The following PDIA5 variants were observed in gnomAD, a reference collection of about 807,000 sequenced individuals.
The protein encoded by PDIA5 is protein disulfide isomerase family A member 5.
PDIA5 carries 58 observed loss-of-function variants against 77.6 expected under a neutral mutation model. That is an observed-to-expected ratio of 0.75 (90% CI 0.61 to 0.93). PDIA5 has a LOEUF of 0.93. Ranked by LOEUF, PDIA5 falls within the 40% of genes least tolerant of loss-of-function variation. PDIA5 has a pLI of 0.00. For synonymous variants in PDIA5, 250 were observed against 252.1 expected (o/e 0.99, Z 0.08); for missense variants, 630 against 647.7 (o/e 0.97, Z 0.30).
intron 1 of PDIA5, among the ~76,000 whole-genome samples, chr3:123,073,670 C>T (rs1472240756): frequency 6.6e-6 from 1 of 152,226 alleles, no homozygotes; most frequent in East Asian, 1.9e-4. Flanking sequence ...CAAAGTCATA[C>T]TGAGGCCCCA....
At chr3:123,116,395 G>C in intron 8 of PDIA5, 97 bp downstream of exon 8, 1 of 904,938 alleles carries the variant, frequency 1.1e-6, no homozygotes, top group East Asian at 2.5e-5. Context: ...TTGAAATGGT[G>C]AGGATGACTG....
intron 11 of PDIA5, among the ~76,000 whole-genome samples, chr3:123,139,031 G>A (rs548340965): frequency 2.0e-5 from 3 of 152,326 alleles, no homozygotes; most frequent in South Asian, 4.1e-4. Context: ...TTGACAGGAA[G>A]CCAACATTCC....
Position 123,102,239 on chromosome 3 carries a change from C to T in PDIA5, c.258-172C>T, listed in dbSNP as rs1445222013. Among the ~76,000 whole-genome samples, 3 of 152,184 alleles carry T rather than the reference C, an allele frequency of 2.0e-5. No individual in the cohort carries two copies. In the East Asian group the frequency reaches 5.8e-4, roughly 29 times the overall value. On this transcript the variant is annotated intron_variant, in intron 3 of 16. Transcript: ENST00000316218. ...TCTTTCTTGATCAGCCCCTAGCCTG[C>T]TAGTTAGTCTCCACCCTCTAGCTCT...
intron 14 of PDIA5, among the ~76,000 whole-genome samples, chr3:123,153,087 C>T (rs1463449768): frequency 6.6e-6 from 1 of 152,068 alleles, no homozygotes; most frequent in East Asian, 1.9e-4. Flanking sequence ...TACTCATTGG[C>T]CCCACTCTTT....
chr3:123,084,177 G>A (rs985158048), intron 1 of PDIA5, among the ~76,000 whole-genome samples: 3 of 151,992 alleles, frequency 2.0e-5, no homozygotes, highest in Non-Finnish European at 4.4e-5. Context: ...ACGCCCGCAC[G>A]CCCCCATCTT....
intron 11 of PDIA5, chr3:123,145,179 T>C (rs1480791428): frequency 1.3e-5 from 3 of 231,304 alleles, no homozygotes; most frequent in East Asian, 2.4e-4. Flanking sequence ...GGCAGTCACC[T>C]GCCCTCTTGG....
chr3:123,122,981 A>G (rs1935154544), intron 8 of PDIA5, among the ~76,000 whole-genome samples: 1 of 152,198 alleles, frequency 6.6e-6, no homozygotes, highest in African/African-American at 2.4e-5. Flanking sequence ...GTAAGAACAG[A>G]TTCAAAGTCC....
At chr3:123,115,224 G>T (rs1576449505) in intron 7 of PDIA5, among the ~76,000 whole-genome samples, 1 of 152,216 alleles carries the variant, frequency 6.6e-6, no homozygotes, top group Non-Finnish European at 1.5e-5. Flanking sequence ...GTCGGAAAGG[G>T]TAATAGCCTG....
At chr3:123,120,718 C>G (rs911294331) in intron 8 of PDIA5, among the ~76,000 whole-genome samples, 2 of 152,210 alleles carry the variant, frequency 1.3e-5, no homozygotes, top group Non-Finnish European at 2.9e-5. Flanking sequence ...AAATGCATGT[C>G]TGAAAATTCA....
intron 1 of PDIA5, among the ~76,000 whole-genome samples, chr3:123,079,330 G>A (rs1396821751): frequency 3.9e-5 from 6 of 151,902 alleles, no homozygotes; most frequent in East Asian, 3.9e-4. Flanking sequence ...ACAGGCGCCC[G>A]CCACCACGCC....
At chr3:123,116,451 T>A (rs1030617662) in intron 8 of PDIA5, among the ~76,000 whole-genome samples, 153 bp downstream of exon 8, 1 of 152,178 alleles carries the variant, frequency 6.6e-6, no homozygotes, top group Non-Finnish European at 1.5e-5. Context: ...TGCATGGAGC[T>A]CAGAGACCTG....
intron 6 of PDIA5, among the ~76,000 whole-genome samples, chr3:123,107,469 C>T (rs1222638495): frequency 2.6e-5 from 4 of 152,094 alleles, no homozygotes; most frequent in Non-Finnish European, 5.9e-5. Flanking sequence ...GCAGGAGGAT[C>T]GCTTGAGCCC....
intron 11 of PDIA5, among the ~76,000 whole-genome samples, chr3:123,131,443 A>C (rs1935368434): frequency 6.6e-6 from 1 of 151,442 alleles, no homozygotes; most frequent in Non-Finnish European, 1.5e-5. Context: ...CTGTCTCTAA[A>C]AACAATTTTT....
intron 5 of PDIA5, among the ~76,000 whole-genome samples, chr3:123,103,933 T>C (rs1398133121): frequency 6.6e-6 from 1 of 152,140 alleles, no homozygotes; most frequent in African/African-American, 2.4e-5. Context: ...GAGTTTTGTT[T>C]TGTTATTGAA....
At chr3:123,158,767 C>A (rs983569669) in intron 15 of PDIA5, among the ~76,000 whole-genome samples, 1 of 152,230 alleles carries the variant, frequency 6.6e-6, no homozygotes, top group Non-Finnish European at 1.5e-5. Context: ...TTGTACCAAC[C>A]ACCATAGAAC....
At chr3:123,106,628 C>T (rs1165438951) in intron 5 of PDIA5, 121 bp from the exon 6 acceptor site, 3 of 712,694 alleles carry the variant, frequency 4.2e-6, no homozygotes, top group African/African-American at 1.8e-5. Context: ...ACATGCAGTC[C>T]TGAGCTCAGC....
chr3:123,157,259 G>A (rs549874218), intron 15 of PDIA5, among the ~76,000 whole-genome samples: 1 of 152,282 alleles, frequency 6.6e-6, no homozygotes, highest in East Asian at 1.9e-4. Flanking sequence ...CATCTGGCCT[G>A]GGGGGCTGAA....
At chr3:123,137,528 C>G (rs1251590886) in intron 11 of PDIA5, among the ~76,000 whole-genome samples, 2 of 152,108 alleles carry the variant, frequency 1.3e-5, no homozygotes, top group African/African-American at 4.8e-5. Context: ...TGAGTAATAG[C>G]TATTATATTT....
At chr3:123,155,686 C>A (rs545743970) in intron 15 of PDIA5, among the ~76,000 whole-genome samples, 1 of 152,318 alleles carries the variant, frequency 6.6e-6, no homozygotes, top group East Asian at 1.9e-4. Context: ...CCATGCCAGG[C>A]GGAGCACTGG....
Sources: gnomAD v4.1 joint callset for allele counts (sites outside exome capture counted in the v4.1 genomes callset) on GRCh38, gnomAD v4.1.1 for gene constraint, MANE v1.5 for transcripts, NCBI Gene and HGNC (gene_info 2026-07-23, HGNC 2026-07-21) for gene names.